INTS9: variants seen among roughly 807,000 people sequenced by gnomAD.
INTS9 encodes integrator complex subunit 9.
INTS9 carries 55 observed loss-of-function variants against 79.7 expected under a neutral mutation model. The ratio of observed to expected loss-of-function variants is 0.69; its 90% CI spans 0.56 to 0.86. The LOEUF (loss-of-function observed/expected upper bound fraction) is 0.86. INTS9 is among the 40% of genes least tolerant of loss of function. INTS9 has a pLI of 0.00. For synonymous variants in INTS9, 319 were observed against 325.2 expected (o/e 0.98, Z 0.20); for missense variants, 721 against 831.5 (o/e 0.87, Z 1.64).
At chr8:28,796,681 T>C (rs924883748) in intron 8 of INTS9, 26 bp from the exon 9 acceptor site, 5 of 1,390,774 alleles carry the variant, frequency 3.6e-6, no homozygotes, top group Non-Finnish European at 5.1e-6. Context: ...GAAATATGGT[T>C]AGTAATTTTA....
chr8:28,833,451 C>A lies in INTS9; in HGVS notation c.488+1841G>T, dbSNP rs183141965. Among the ~76,000 whole-genome samples the A allele has an allele frequency of 7.2e-5, 11 of 151,966 alleles. No individual in the cohort carries two copies. In the East Asian group the frequency reaches 2.1e-3, roughly 29 times the overall value. The stretch of plus-strand genomic sequence containing the variant: ...CCTGGCCAACATGGTGAAACCCCAT[C>A]TCTACTAAAAATACAAAAATTAGCT... On this transcript the variant is annotated intron_variant, in intron 6 of 16. Coordinates refer to ENST00000521022, the MANE Select transcript of INTS9 (RefSeq NM_018250.4).
At chr8:28,787,124 G>C (rs778674784) in intron 11 of INTS9, among the ~76,000 whole-genome samples, 2 of 152,156 alleles carry the variant, frequency 1.3e-5, no homozygotes, top group Non-Finnish European at 2.9e-5. Flanking sequence ...TTGTAGTAGA[G>C]CAATAATAAC....
intron 8 of INTS9, among the ~76,000 whole-genome samples, chr8:28,811,155 G>A (rs1286662400): frequency 2.1e-5 from 3 of 145,970 alleles, no homozygotes; most frequent in African/African-American, 7.7e-5. Context: ...TTGAGATGGA[G>A]TCTCACTCTG....
At chr8:28,800,065 A>G (rs1804435272) in intron 8 of INTS9, among the ~76,000 whole-genome samples, 1 of 152,162 alleles carries the variant, frequency 6.6e-6, no homozygotes, top group Non-Finnish European at 1.5e-5. Context: ...CTCAGCACTG[A>G]TCACTCCAAA....
chr8:28,889,540 G>A (rs1437211429), intron 1 of INTS9, among the ~76,000 whole-genome samples: 1 of 152,168 alleles, frequency 6.6e-6, no homozygotes, highest in African/African-American at 2.4e-5. Context: ...ATTGTTAACA[G>A]CCTATTATAA....
chr8:28,882,459 A>T (rs185801645), intron 1 of INTS9, among the ~76,000 whole-genome samples: 1,476 of 139,050 alleles, frequency 0.011, 20 homozygotes, highest in African/African-American at 0.022. Flanking sequence ...AATGATCAAT[A>T]AAAAAAAAAA....
At chr8:28,858,088 T>G (rs1432674469) in intron 2 of INTS9, among the ~76,000 whole-genome samples, 1 of 152,106 alleles carries the variant, frequency 6.6e-6, no homozygotes, top group African/African-American at 2.4e-5. Context: ...CGGGAAAACA[T>G]GCAGCTGGGA....
chr8:28,768,361 T>G (rs781613872), intron 16 of INTS9, 39 bp from the exon 17 acceptor site: 1 of 1,581,486 alleles, frequency 6.3e-7, no homozygotes, highest in Non-Finnish European at 8.6e-7. Context: ...CTGGGCAGAC[T>G]GCACATCTGT....
rs73669455 is a variant in INTS9, at chr8:28,823,727, A to G, written c.489-10115T>C. Among the ~76,000 whole-genome samples, 1,347 of 151,642 alleles carry G rather than the reference A, an allele frequency of 8.9e-3. 19 individuals carry two copies. Among genetic ancestry groups the G allele is most frequent in the African/African-American group, 0.029 (1,221 of 41,408 alleles). The stretch of plus-strand genomic sequence containing the variant: ...AGTATAGAGACAATAGGTACATAAA[A>G]CAACTAGACAAATAAGAAAACAAGG... On this transcript the variant is annotated intron_variant, in intron 6 of 16. Coordinates refer to ENST00000521022, the MANE Select transcript of INTS9 (RefSeq NM_018250.4).
intron 10 of INTS9, among the ~76,000 whole-genome samples, chr8:28,790,482 C>A (rs544209013): frequency 2.8e-4 from 43 of 152,264 alleles, no homozygotes; most frequent in African/African-American, 9.6e-4. Flanking sequence ...CATGCACCAC[C>A]ATACCCTGCT....
At chr8:28,795,366 G>T (rs997633468) in intron 9 of INTS9, among the ~76,000 whole-genome samples, 6 of 152,158 alleles carry the variant, frequency 3.9e-5, no homozygotes, top group Admixed American at 2.0e-4. Context: ...GAGAGGCCAG[G>T]CATGGTGGCT....
At chr8:28,841,996 G>A (rs553153956) in intron 4 of INTS9, among the ~76,000 whole-genome samples, 1 of 152,330 alleles carries the variant, frequency 6.6e-6, no homozygotes, top group South Asian at 2.1e-4. Context: ...GCTGAGACAG[G>A]AGGATCACTT....
intron 3 of INTS9, among the ~76,000 whole-genome samples, chr8:28,847,401 C>A (rs1221434415): frequency 1.3e-5 from 2 of 151,866 alleles, no homozygotes; most frequent in Non-Finnish European, 2.9e-5. Context: ...ACATCTACCA[C>A]CACCACTACC....
At position 28,864,972 on chromosome 8, in the gene INTS9, T is replaced by C. The variant is rs141347156; in HGVS notation, c.10-5409A>G. Among the ~76,000 whole-genome samples, 573 of 136,494 alleles carry C rather than the reference T, an allele frequency of 4.2e-3. 3 individuals are homozygous for C. The highest frequency in any genetic ancestry group is 0.015 in the African/African-American group (543 of 35,488). The allele number at this position is 136,494 out of a possible 152,430, so 89.5% of individuals were successfully genotyped here. A position where few individuals can be genotyped will look rare whatever the true frequency, so the allele number is the denominator to read the frequency against. On this transcript the variant is annotated intron_variant, in intron 1 of 16. Transcript: ENST00000521022. Reference sequence around the variant, plus strand: ...CTGCACTCCCTCCTCAGAGACACAGTGAGACACCGTCTCAAAAAAAAAAAA... The same window carrying C: ...CTGCACTCCCTCCTCAGAGACACAGCGAGACACCGTCTCAAAAAAAAAAAA...
chr8:28,800,445 G>A (rs1287975733), intron 8 of INTS9, among the ~76,000 whole-genome samples: 2 of 152,296 alleles, frequency 1.3e-5, no homozygotes, highest in African/African-American at 2.4e-5. Context: ...GGCCAAAAAG[G>A]TCAGGATCAT....
rs1224678795 is a variant in INTS9 at position 28,775,652 on chromosome 8, TG to T, written c.1563+106del. ...TAGGCGTGAGCTACTGCGCGCAGCC[TG>T]GTTCATTTATACTTGACATAAATCC... On this transcript the variant is annotated intron_variant, in intron 14 of 16. Transcript: ENST00000521022. The T allele has an allele frequency of 2.5e-5, 31 of 1,224,954 alleles. No homozygotes were observed. In the East Asian group the frequency reaches 7.1e-4, roughly 28 times the overall value. 75.9% of individuals were successfully genotyped at this position (1,224,954 alleles called of 1,614,324 possible).
chr8:28,880,431 GT>G (rs1465431287), intron 1 of INTS9, among the ~76,000 whole-genome samples: 1 of 151,000 alleles, frequency 6.6e-6, no homozygotes, highest in African/African-American at 2.4e-5. Flanking sequence ...ACTGGTTTTC[GT>G]TTTTTTTTGG....
Position 28,787,859 on chromosome 8 carries a change from A to G in INTS9, c.1068T>C (p.Tyr356=), listed in dbSNP as rs1563251090. 1 of 1,608,620 alleles carries G rather than the reference A, an allele frequency of 6.2e-7. No individual in the cohort carries two copies. The highest frequency in any genetic ancestry group is 1.3e-5 in the African/African-American group (1 of 75,000). ...WLCHNKQSKV[Y]LPEPPFPHAE... Reference sequence around the variant, plus strand: ...CATGAGGAAAAGGTGGTTCTGGAAGATACACCTTACTCTGTTTGTTGTGAC... The same window carrying G: ...CATGAGGAAAAGGTGGTTCTGGAAGGTACACCTTACTCTGTTTGTTGTGAC... Residue 356 remains tyrosine, a synonymous_variant, in exon 11 of 17, where the codon TAT becomes TAC. Coordinates refer to ENST00000521022, the MANE Select transcript of INTS9 (RefSeq NM_018250.4).
chr8:28,781,017 A>G, intron 11 of INTS9, 23 bp from the exon 12 acceptor site: 1 of 1,599,578 alleles, frequency 6.3e-7, no homozygotes, highest in South Asian at 1.1e-5. Flanking sequence ...GAAAAAATAC[A>G]AAGAAATGTG....
Sources: allele counts gnomAD v4.1 joint callset (sites outside exome capture counted in the v4.1 genomes callset), GRCh38; gene constraint gnomAD v4.1.1; transcripts MANE v1.5; gene names NCBI Gene and HGNC (gene_info 2026-07-23, HGNC 2026-07-21).